Variants in DNAJA1 observed in about 807,000 individuals in gnomAD.
DNAJA1 encodes the protein dnaJ homolog subfamily A member 1.
DNAJA1 carries 26 observed loss-of-function variants against 47.6 expected under a neutral mutation model. That is an observed-to-expected ratio of 0.55 (90% CI 0.40 to 0.76). The LOEUF (loss-of-function observed/expected upper bound fraction) is 0.76, where lower values mean the gene tolerates loss of function less well. DNAJA1 is among the 30% of genes least tolerant of loss of function. The pLI is 0.00. For missense variants in DNAJA1, 315 were observed against 485.0 expected (o/e 0.65, Z 3.29); for synonymous variants, 165 against 158.4 (o/e 1.04, Z -0.31).
chr9:33,035,275 T>TCC (rs1839016660), intron 6 of DNAJA1, among the ~76,000 whole-genome samples: 1 of 151,624 alleles, frequency 6.6e-6, no homozygotes, highest in Non-Finnish European at 1.5e-5. Flanking sequence ...GGCAGGAGAA[T>TCC]CACTTGAACA....
intron 6 of DNAJA1, among the ~76,000 whole-genome samples, chr9:33,034,847 T>A (rs1839009966): frequency 6.6e-6 from 1 of 152,148 alleles, no homozygotes; most frequent in Non-Finnish European, 1.5e-5. Context: ...ATGTTTGTGA[T>A]CCATGGCTAA....
intron 5 of DNAJA1, among the ~76,000 whole-genome samples, chr9:33,033,847 C>T (rs1838997567): frequency 6.6e-6 from 1 of 152,014 alleles, no homozygotes; most frequent in Non-Finnish European, 1.5e-5. Flanking sequence ...TTGGTTATAA[C>T]CAGTGTTAGC....
intron 2 of DNAJA1, 25 bp from the exon 3 acceptor site, chr9:33,026,788 A>G: frequency 6.2e-7 from 1 of 1,601,306 alleles, no homozygotes; most frequent in Non-Finnish European, 8.5e-7. Context: ...TAAAAAATGA[A>G]ATTCACTCCT....
chr9:33,037,325 A>T, intron 8 of DNAJA1: 1 of 342,204 alleles, frequency 2.9e-6, no homozygotes, highest in Non-Finnish European at 5.5e-6. Flanking sequence ...AACAAAAAAA[A>T]AAAAAAATTA....
intron 6 of DNAJA1, 50 bp from the exon 7 acceptor site, chr9:33,036,524 C>T: frequency 7.8e-7 from 1 of 1,276,598 alleles, no homozygotes; most frequent in Non-Finnish European, 1.1e-6. Context: ...TTTGGTACAT[C>T]TACTGATTCG....
At position 33,026,625 on chromosome 9, in the gene DNAJA1, T is replaced by G. The variant is rs1289463305; in HGVS notation, c.132+9T>G. The G allele has an allele frequency of 6.3e-7, 1 of 1,597,880 alleles. No homozygotes were observed. The highest frequency in any genetic ancestry group is 8.5e-7 in the Non-Finnish European group (1 of 1,176,014). ...CAAATGAAGGAGAGAAGGTGAATAG[T>G]ATCTACTCTTAAACGTATCTGAATA... is the stretch of plus-strand genomic sequence containing the variant. On this transcript the variant is annotated intron_variant, in intron 2 of 8. Coordinates refer to ENST00000330899, the MANE Select transcript of DNAJA1 (RefSeq NM_001539.4).
chr9:33,030,141 C>T, intron 4 of DNAJA1, 152 bp downstream of exon 4: 1 of 765,412 alleles, frequency 1.3e-6, no homozygotes. Context: ...ATGAAGAAAA[C>T]CAACTGAAAA....
At chr9:33,025,584 C>T (rs1194201582) in intron 1 of DNAJA1, among the ~76,000 whole-genome samples, 1 of 152,120 alleles carries the variant, frequency 6.6e-6, no homozygotes, top group Non-Finnish European at 1.5e-5. Flanking sequence ...GGGCCCGAGA[C>T]CTTTCCTAGA....
At chr9:33,028,054 A>C (rs987473767) in intron 3 of DNAJA1, among the ~76,000 whole-genome samples, 1 of 149,686 alleles carries the variant, frequency 6.7e-6, no homozygotes, top group Non-Finnish European at 1.5e-5. Flanking sequence ...AAAAAAAGAC[A>C]AAGTATATAG....
intron 3 of DNAJA1, among the ~76,000 whole-genome samples, chr9:33,028,074 T>C (rs1342788345): frequency 1.3e-5 from 2 of 151,344 alleles, no homozygotes; most frequent in East Asian, 3.9e-4. Context: ...GCAATATAAT[T>C]TTCCAAGCCC....
chr9:33,027,608 C>CT, intron 3 of DNAJA1, among the ~76,000 whole-genome samples: 1 of 151,400 alleles, frequency 6.6e-6, no homozygotes, highest in East Asian at 2.0e-4. Flanking sequence ...AATCCCAGCA[C>CT]TTTGGGAGGC....
At position 33,038,984 on chromosome 9, in the gene DNAJA1, C is replaced by CT. The variant is rs1343627660; in HGVS notation, c.*82dup. 6 of 1,266,146 alleles carry CT rather than the reference C, an allele frequency of 4.7e-6. No homozygotes were observed. Among genetic ancestry groups the CT allele is most frequent in the Non-Finnish European group, 6.6e-6 (6 of 904,298 alleles). 78.4% of individuals were successfully genotyped at this position (1,266,146 alleles called of 1,614,324 possible). Reference sequence around the variant, plus strand: ...AAGGACTGTAATCATAATATGCTCACTACTTGCTCTTGTTTTTGTTTTAAT... The same window carrying CT: ...AAGGACTGTAATCATAATATGCTCACTTACTTGCTCTTGTTTTTGTTTTAAT... On this transcript the variant is annotated 3_prime_UTR_variant, in exon 9 of 9. Coordinates refer to ENST00000330899, the MANE Select transcript of DNAJA1 (RefSeq NM_001539.4).
In DNAJA1 at chr9:33,034,346, A is replaced by C. The variant is rs140593588; in HGVS notation, c.758+16A>C. 460 of 1,583,510 alleles carry C rather than the reference A, an allele frequency of 2.9e-4. 1 individual carries two copies. In the African/African-American group the frequency reaches 5.6e-3, roughly 19 times the overall value. ...TTTTTACTCGGTAAAGACTTTTATC[A>C]ACCACTCAAATTGATATCACATATT... On this transcript the variant is annotated intron_variant, in intron 6 of 8. Coordinates refer to ENST00000330899, the MANE Select transcript of DNAJA1 (RefSeq NM_001539.4).
At chr9:33,034,611 T>G (rs1049532802) in intron 6 of DNAJA1, among the ~76,000 whole-genome samples, 12 of 150,832 alleles carry the variant, frequency 8.0e-5, no homozygotes, top group African/African-American at 2.9e-4. Flanking sequence ...GACAAAAATT[T>G]GCCCTCAATC....
Position 33,038,971 on chromosome 9 carries a change from C to A in DNAJA1, c.*68C>A. On this transcript the variant is annotated 3_prime_UTR_variant, in exon 9 of 9. Coordinates refer to ENST00000330899, the MANE Select transcript of DNAJA1 (RefSeq NM_001539.4). Reference sequence around the variant, plus strand: ...TAGTGAATGAGTGAAGGACTGTAATCATAATATGCTCACTACTTGCTCTTG... The same window carrying A: ...TAGTGAATGAGTGAAGGACTGTAATAATAATATGCTCACTACTTGCTCTTG... 2 of 1,356,950 alleles carry A rather than the reference C, an allele frequency of 1.5e-6. No individual in the cohort carries two copies. The highest frequency in any genetic ancestry group is 2.1e-6 in the Non-Finnish European group (2 of 974,604). 84.1% of individuals were successfully genotyped at this position (1,356,950 alleles called of 1,614,324 possible).
At chr9:33,030,725 C>T (rs1838947851) in intron 5 of DNAJA1, 58 bp downstream of exon 5, 2 of 1,379,944 alleles carry the variant, frequency 1.4e-6, no homozygotes, top group Non-Finnish European at 2.0e-6. Flanking sequence ...TTATTATTAA[C>T]ATTTTATAAT....
intron 6 of DNAJA1, among the ~76,000 whole-genome samples, chr9:33,034,796 A>G (rs1313260001): frequency 3.3e-5 from 5 of 152,214 alleles, no homozygotes; most frequent in African/African-American, 1.2e-4. Context: ...AATGAGTATG[A>G]TGAACACTGA....
At chr9:33,036,222 A>T (rs1839030694) in intron 6 of DNAJA1, 1 of 154,204 alleles carries the variant, frequency 6.5e-6, no homozygotes. Context: ...GGAATTACAG[A>T]TGCGAACCAC....
chr9:33,038,026 C>CGG (rs1839062421), intron 8 of DNAJA1, among the ~76,000 whole-genome samples: 1 of 146,934 alleles, frequency 6.8e-6, no homozygotes, highest in South Asian at 2.1e-4. Context: ...CTTTTTGAGA[C>CGG]GGGAGTCTTG....
Sources: gnomAD v4.1 joint callset for allele counts (sites outside exome capture counted in the v4.1 genomes callset) on GRCh38, gnomAD v4.1.1 for gene constraint, MANE v1.5 for transcripts, NCBI Gene and HGNC (gene_info 2026-07-23, HGNC 2026-07-21) for gene names.